ADGRL3: variants seen among roughly 807,000 people sequenced by gnomAD.
ADGRL3 encodes the protein adhesion G protein-coupled receptor L3.
In ADGRL3, 62 loss-of-function variants were observed where a neutral mutation model predicts 153.5. The observed-to-expected ratio is 0.40, with a 90% confidence interval of 0.33 to 0.50. ADGRL3 has a LOEUF of 0.50. Among genes scored for constraint, ADGRL3 ranks in the 20% least tolerant of loss-of-function variants. ADGRL3 has a pLI of 0.47. For synonymous variants in ADGRL3, 710 were observed against 672.5 expected (o/e 1.06, Z -0.86); for missense variants, 1,641 against 1,859.4 (o/e 0.88, Z 2.16).
intron 4 of ADGRL3, among the ~76,000 whole-genome samples, chr4:61,557,929 C>A (rs1313863232): frequency 6.6e-6 from 1 of 151,416 alleles, no homozygotes; most frequent in East Asian, 1.9e-4. Flanking sequence ...ACAACTCCAT[C>A]GAGGTCATGT....
At chr4:61,855,425 T>C (rs1369501052) in intron 9 of ADGRL3, among the ~76,000 whole-genome samples, 3 of 152,210 alleles carry the variant, frequency 2.0e-5, no homozygotes, top group Admixed American at 6.5e-5. Context: ...CTCTGAAGAA[T>C]ATAAAGTACA....
In ADGRL3 at chr4:61,852,511, C is replaced by T. The variant is rs907375044; in HGVS notation, c.1480+38622C>T. On this transcript the variant is annotated intron_variant, in intron 9 of 26. Transcript: ENST00000683033. ...TGTCTTTTTAGTAGAGACGGGGTTT[C>T]GCCATGTTGGCCAGGCTGGTCTCAA... Among the ~76,000 whole-genome samples the T allele has an allele frequency of 5.3e-5, 8 of 152,068 alleles. No individual in the cohort carries two copies. The East Asian group carries it at 7.8e-4, about 15-fold the overall frequency.
At chr4:61,732,696 A>G in intron 7 of ADGRL3, 58 bp from the exon 8 acceptor site, 3 of 974,650 alleles carry the variant, frequency 3.1e-6, no homozygotes, top group Non-Finnish European at 4.2e-6. Context: ...AAATAAGACT[A>G]TATAACAAAA....
In ADGRL3 at chr4:61,613,627, C is replaced by A. The variant is rs113311812; in HGVS notation, c.473+26187C>A. On this transcript the variant is annotated intron_variant, in intron 5 of 26. Coordinates refer to ENST00000683033, the MANE Select transcript of ADGRL3 (RefSeq NM_001387552.1). ...GGTGTGGTGGTGCACACCTGTAGTC[C>A]CAGCCACTCGGGAGATTGAGGCAGG... is the stretch of plus-strand genomic sequence containing the variant. Among the ~76,000 whole-genome samples the A allele has an allele frequency of 5.7e-4, 86 of 152,204 alleles. 1 individual carries two copies. The highest frequency in any genetic ancestry group is 1.9e-3 in the African/African-American group (77 of 41,530).
chr4:61,706,604 A>C (rs533877165), intron 6 of ADGRL3, among the ~76,000 whole-genome samples: 21 of 152,240 alleles, frequency 1.4e-4, no homozygotes, highest in Non-Finnish European at 2.9e-4. Flanking sequence ...ATTTTTTTAA[A>C]ACCTCATGAG....
Position 61,938,734 on chromosome 4 carries a change from G to T in ADGRL3, c.2419+2689G>T, listed in dbSNP as rs985912098. On this transcript the variant is annotated intron_variant, in intron 15 of 26. Transcript: ENST00000683033. ...TGCATCTGATTGGATGCATCTAGCG[G>T]AAGTGCCCAGAGCAACGTCTCCGCA... Among the ~76,000 whole-genome samples the T allele has an allele frequency of 1.1e-4, 16 of 151,856 alleles. 1 individual carries two copies. Among genetic ancestry groups the T allele is most frequent in the African/African-American group, 3.6e-4 (15 of 41,318 alleles).
At chr4:61,366,608 G>A (rs1022613265) in intron 1 of ADGRL3, among the ~76,000 whole-genome samples, 1 of 152,148 alleles carries the variant, frequency 6.6e-6, no homozygotes, top group Admixed American at 6.5e-5. Context: ...GCATTTGACT[G>A]TCTTTGACTG....
At chr4:61,739,763 G>A (rs1305553716) in intron 8 of ADGRL3, among the ~76,000 whole-genome samples, 1 of 152,094 alleles carries the variant, frequency 6.6e-6, no homozygotes, top group African/African-American at 2.4e-5. Context: ...CACCCACATT[G>A]TTGTGAGCTT....
intron 14 of ADGRL3, 112 bp from the exon 15 acceptor site, chr4:61,935,811 A>G (rs2098835939): frequency 3.0e-5 from 29 of 967,650 alleles, no homozygotes; most frequent in Non-Finnish European, 4.1e-5. Flanking sequence ...AGCATGACAA[A>G]TAGAATAAGA....
chr4:61,661,529 A>G (rs905294565), intron 5 of ADGRL3, among the ~76,000 whole-genome samples: 1 of 152,096 alleles, frequency 6.6e-6, no homozygotes, highest in East Asian at 1.9e-4. Context: ...TATTCATACA[A>G]ATATTATTAT....
intron 4 of ADGRL3, among the ~76,000 whole-genome samples, chr4:61,521,166 T>C (rs2098528804): frequency 6.6e-6 from 1 of 152,182 alleles, no homozygotes. Flanking sequence ...GGATTGTCTA[T>C]TTGGTGGGTT....
chr4:61,987,595 C>A (rs1315392921), intron 19 of ADGRL3, among the ~76,000 whole-genome samples: 1 of 152,164 alleles, frequency 6.6e-6, no homozygotes, highest in Non-Finnish European at 1.5e-5. Flanking sequence ...ATGTACTACA[C>A]TGATTCTTTA....
chr4:61,685,182 T>A (rs539655222), intron 6 of ADGRL3, among the ~76,000 whole-genome samples: 1 of 152,106 alleles, frequency 6.6e-6, no homozygotes, highest in African/African-American at 2.4e-5. Flanking sequence ...CCTCCCAAAG[T>A]TTTGGGATTA....
chr4:61,261,181 A>ATCT (rs76929618), intron 1 of ADGRL3, among the ~76,000 whole-genome samples: 7 of 115,818 alleles, frequency 6.0e-5, no homozygotes, highest in African/African-American at 1.8e-4. Flanking sequence ...GTTCTTTTTC[A>ATCT]TCTTCTTCTT....
chr4:61,636,123 T>G (rs1173002403), intron 5 of ADGRL3, among the ~76,000 whole-genome samples: 3 of 152,160 alleles, frequency 2.0e-5, no homozygotes, highest in African/African-American at 7.2e-5. Context: ...GACTAACTCA[T>G]TGGACTGTAC....
At chr4:61,998,530 G>A (rs1281929700) in intron 21 of ADGRL3, among the ~76,000 whole-genome samples, 1 of 150,874 alleles carries the variant, frequency 6.6e-6, no homozygotes, top group Non-Finnish European at 1.5e-5. Context: ...ATTGTGTCCT[G>A]AAAACAAGCA....
At chr4:61,425,015 G>C (rs1336860090) in intron 2 of ADGRL3, among the ~76,000 whole-genome samples, 1 of 152,134 alleles carries the variant, frequency 6.6e-6, no homozygotes, top group Non-Finnish European at 1.5e-5. Context: ...GCCATTCCAT[G>C]TCTCCACAGA....
intron 19 of ADGRL3, among the ~76,000 whole-genome samples, chr4:61,989,265 TAGAG>T (rs1015490739): frequency 2.0e-4 from 30 of 152,220 alleles, no homozygotes; most frequent in African/African-American, 5.5e-4. Context: ...TTCAAATTCA[TAGAG>T]AATCATATTT....
intron 3 of ADGRL3, among the ~76,000 whole-genome samples, chr4:61,501,005 T>A (rs1021006674): frequency 2.0e-5 from 3 of 152,124 alleles, no homozygotes; most frequent in Admixed American, 6.5e-5. Context: ...ACTCTCCTAG[T>A]CACTTGGGAG....
Sources: gnomAD v4.1 joint callset for allele counts (sites outside exome capture counted in the v4.1 genomes callset) on GRCh38, gnomAD v4.1.1 for gene constraint, MANE v1.5 for transcripts, NCBI Gene and HGNC (gene_info 2026-07-23, HGNC 2026-07-21) for gene names.